Variants in ZBTB20 observed in about 807,000 individuals in gnomAD.
ZBTB20 encodes zinc finger and BTB domain containing 20, also known as zinc finger and BTB domain-containing protein 20.
A neutral mutation model predicts 56.9 loss-of-function variants in ZBTB20; 9 were observed. The ratio of observed to expected loss-of-function variants is 0.16; its 90% CI spans 0.10 to 0.28. ZBTB20 has a LOEUF of 0.28. Ranked by LOEUF, ZBTB20 falls within the 10% of genes least tolerant of loss-of-function variation. The pLI is 1.00. For missense variants in ZBTB20, 655 were observed against 1,003.0 expected (o/e 0.65, Z 4.69); for synonymous variants, 417 against 420.7 (o/e 0.99, Z 0.11).
intron 6 of ZBTB20, among the ~76,000 whole-genome samples, chr3:114,555,411 T>A (rs1014360079): frequency 2.0e-5 from 3 of 152,080 alleles, no homozygotes; most frequent in African/African-American, 7.2e-5. Context: ...TCTCAGCAGC[T>A]ATATATGGTT....
chr3:114,355,757 T>C (rs570392414), intron 10 of ZBTB20, among the ~76,000 whole-genome samples: 1 of 152,008 alleles, frequency 6.6e-6, no homozygotes, highest in Admixed American at 6.5e-5. Context: ...AGGGAGTGTA[T>C]AGGAAGGAAT....
At chr3:114,643,721 T>G (rs908137761) in intron 6 of ZBTB20, among the ~76,000 whole-genome samples, 1 of 152,092 alleles carries the variant, frequency 6.6e-6, no homozygotes, top group Non-Finnish European at 1.5e-5. Flanking sequence ...TTCTTGGAGT[T>G]TTGGTGTATG....
At chr3:114,611,890 C>T (rs939862196) in intron 6 of ZBTB20, among the ~76,000 whole-genome samples, 16 of 152,142 alleles carry the variant, frequency 1.1e-4, no homozygotes, top group Admixed American at 6.5e-5. Context: ...AGTTATTCAG[C>T]AAATCCTTAT....
intron 6 of ZBTB20, among the ~76,000 whole-genome samples, chr3:114,582,745 T>C (rs2054783829): frequency 6.6e-6 from 1 of 152,330 alleles, no homozygotes; most frequent in Non-Finnish European, 1.5e-5. Context: ...CTAACTAGAA[T>C]TAATCGAGGT....
intron 1 of ZBTB20, 37 bp from the exon 2 acceptor site, chr3:115,071,451 A>G (rs915138496): frequency 8.5e-5 from 13 of 152,204 alleles, no homozygotes; most frequent in African/African-American, 2.2e-4. Flanking sequence ...TAGAAAGATT[A>G]GCCAAAAAAA....
intron 3 of ZBTB20, among the ~76,000 whole-genome samples, chr3:114,920,385 A>C (rs2075911437): frequency 6.6e-6 from 1 of 152,214 alleles, no homozygotes; most frequent in Admixed American, 6.5e-5. Flanking sequence ...CCACAGAACA[A>C]ATCTTAACAA....
intron 8 of ZBTB20, among the ~76,000 whole-genome samples, chr3:114,384,130 TTC>T (rs892528946): frequency 1.0e-5 from 1 of 98,644 alleles, no homozygotes; most frequent in African/African-American, 4.2e-5. Context: ...CTCTCTCTCA[TTC>T]TCTCTCTCTC....
chr3:114,849,208 A>G (rs1267203593), intron 4 of ZBTB20, among the ~76,000 whole-genome samples: 2 of 152,216 alleles, frequency 1.3e-5, no homozygotes, highest in Non-Finnish European at 2.9e-5. Context: ...AATTGTGCTA[A>G]CTAGGCAACA....
chr3:114,787,370 C>CACATACAT (rs1367544699), intron 5 of ZBTB20, among the ~76,000 whole-genome samples: 1 of 114,438 alleles, frequency 8.7e-6, no homozygotes, highest in African/African-American at 4.2e-5. Context: ...TATATATATA[C>CACATACAT]ACACACACAC....
chr3:114,865,043 T>C (rs866462948), intron 4 of ZBTB20, among the ~76,000 whole-genome samples: 4 of 152,130 alleles, frequency 2.6e-5, no homozygotes, highest in Admixed American at 6.6e-5. Context: ...AACTTCTCAT[T>C]AGTCTCTTGA....
chr3:114,705,131 A>AT (rs2063636218), intron 5 of ZBTB20, among the ~76,000 whole-genome samples: 1 of 152,186 alleles, frequency 6.6e-6, no homozygotes, highest in African/African-American at 2.4e-5. Context: ...CTCAAGACCC[A>AT]TGTTTTTCTC....
At chr3:115,043,537 C>A (rs2081224582) in intron 2 of ZBTB20, among the ~76,000 whole-genome samples, 1 of 150,738 alleles carries the variant, frequency 6.6e-6, no homozygotes, top group Admixed American at 6.6e-5. Flanking sequence ...CCACTACACT[C>A]CAGCCTGGGC....
At chr3:114,899,199 T>C (rs550160972) in intron 4 of ZBTB20, among the ~76,000 whole-genome samples, 1 of 152,234 alleles carries the variant, frequency 6.6e-6, no homozygotes, top group East Asian at 1.9e-4. Context: ...TAATCTTCAC[T>C]TTTTTTCTCT....
At chr3:114,434,310 C>T (rs1374715976) in intron 7 of ZBTB20, among the ~76,000 whole-genome samples, 1 of 151,690 alleles carries the variant, frequency 6.6e-6, no homozygotes, top group African/African-American at 2.4e-5. Flanking sequence ...CCTGATAGCC[C>T]CTAAGGAGTA....
intron 5 of ZBTB20, chr3:114,758,856 CT>C (rs1378566777): frequency 6.6e-6 from 1 of 152,142 alleles, no homozygotes; most frequent in African/African-American, 2.4e-5. Context: ...TTTGCTTTCC[CT>C]TGTTCTTTCA....
At chr3:114,391,815 C>T (rs1160380915) in intron 7 of ZBTB20, among the ~76,000 whole-genome samples, 2 of 152,140 alleles carry the variant, frequency 1.3e-5, no homozygotes, top group Non-Finnish European at 2.9e-5. Context: ...TGCTCAAGGT[C>T]GCATCCTTGT....
At chr3:115,022,924 A>T (rs1009432292) in intron 2 of ZBTB20, among the ~76,000 whole-genome samples, 5 of 150,998 alleles carry the variant, frequency 3.3e-5, no homozygotes, top group Non-Finnish European at 7.4e-5. Context: ...TGCAGTATTT[A>T]TTGAGCACCT....
chr3:114,399,770 T>C (rs2086657118), intron 7 of ZBTB20, among the ~76,000 whole-genome samples: 1 of 152,082 alleles, frequency 6.6e-6, no homozygotes. Context: ...TAAAAATAAA[T>C]AGTTTACTTT....
At chr3:114,408,063 G>A (rs561766759) in intron 7 of ZBTB20, among the ~76,000 whole-genome samples, 5 of 152,086 alleles carry the variant, frequency 3.3e-5, no homozygotes, top group Admixed American at 6.6e-5. Context: ...CCATGATCAC[G>A]TTTTCAGCTC....
Sources: allele counts gnomAD v4.1 joint callset (sites outside exome capture counted in the v4.1 genomes callset), GRCh38; gene constraint gnomAD v4.1.1; transcripts MANE v1.5; gene names NCBI Gene and HGNC (gene_info 2026-07-23, HGNC 2026-07-21).